NAA80: variants seen among roughly 807,000 people sequenced by gnomAD.
NAA80 encodes N-alpha-acetyltransferase 80.
A neutral mutation model predicts 8.7 loss-of-function variants in NAA80; 5 were observed. The observed-to-expected ratio is 0.58, with a 90% CI of 0.30 to 1.21. The LOEUF (loss-of-function observed/expected upper bound fraction) is 1.21, where lower values mean the gene tolerates loss of function less well. Ranked by LOEUF, NAA80 falls within the 50% of genes most tolerant of loss-of-function variation. The pLI is 0.07. For synonymous variants in NAA80, 149 were observed against 156.6 expected (o/e 0.95, Z 0.36); for missense variants, 360 against 368.6 (o/e 0.98, Z 0.19).
chr3:50,297,679 A>G lies in NAA80; in HGVS notation c.-209-7T>C, dbSNP rs1337696465. On this transcript the variant is annotated splice_polypyrimidine_tract_variant and splice_region_variant and intron_variant, in intron 1 of 1. Transcript: ENST00000443094. The surrounding 1 kb of genome is among the most constrained non-coding windows in gnomAD (Gnocchi z 4.3). ...GACCACAGTGGCTCTCCTCCTGTAG[A>G]TAACAGCCATGCTGGGCTGTGCCAG... 2.2e-6 allele frequency: 3 copies of G among 1,388,060 alleles called. No homozygotes were observed. The highest frequency in any genetic ancestry group is 2.8e-6 in the Non-Finnish European group (3 of 1,075,972). 86.0% of individuals were successfully genotyped at this position (1,388,060 alleles called of 1,614,324 possible).
rs369644628 is a variant in NAA80 at position 50,296,809 on chromosome 3, G to A, written c.655C>T (p.Arg219Trp). The part of the protein sequence containing the change: ...LNAFPTAPSP[R>W]PPRKAPNLTA... The stretch of plus-strand genomic sequence containing the variant: ...AGGTTTGGGGCCTTCCTGGGTGGCC[G>A]GGGAGAGGGGGCTGTGGGGAAGGCA... The change falls in exon 2 of 2, where the codon CGG becomes TGG. Residue 219 changes from arginine (R) to tryptophan (W), a missense_variant. Transcript: ENST00000443094. The A allele has an allele frequency of 2.2e-5, 35 of 1,579,676 alleles. No individual in the cohort carries two copies. The highest frequency in any genetic ancestry group is 3.7e-4 in the Middle Eastern group (2 of 5,448).
rs1553711487 is a variant in NAA80, at chr3:50,297,276, TCC to T, written c.186_187del (p.Glu63AlafsTer14). Reference sequence around the variant, plus strand: ...GAGCTCGGGTCGGCGGTGCACAGGCTCCAGGGTCAACTCAGCCAGGCTAGGAG... The same window carrying T: ...GAGCTCGGGTCGGCGGTGCACAGGCTAGGGTCAACTCAGCCAGGCTAGGAG... On this transcript the variant is annotated frameshift_variant, in exon 2 of 2. Coordinates refer to ENST00000443094, the MANE Select transcript of NAA80 (RefSeq NM_001200016.2). LOFTEE classifies it high-confidence loss of function. This position sits in a 1 kb window ranked among gnomAD's most constrained non-coding sequence, Gnocchi z 4.3. 6.2e-7 allele frequency: 1 copy of T among 1,606,948 alleles called. No homozygotes were observed. Among genetic ancestry groups the T allele is most frequent in the East Asian group, 2.2e-5 (1 of 44,728 alleles).
Position 50,296,637 on chromosome 3 carries a change from C to A in NAA80, c.827G>T (p.Gly276Val), listed in dbSNP as rs377507869. 11 of 1,613,972 alleles carry A rather than the reference C, an allele frequency of 6.8e-6. No homozygotes were observed. The highest frequency in any genetic ancestry group is 1.3e-5 in the African/African-American group (1 of 74,902). Residue 276 changes from glycine (G) to valine (V), a missense_variant, in exon 2 of 2, where the codon GGG becomes GTG. Coordinates refer to ENST00000443094, the MANE Select transcript of NAA80 (RefSeq NM_001200016.2). The part of the protein sequence containing the change: ...LLETQYQNVR[G>V]RPIFWMEKDI Reference sequence around the variant, plus strand: ...TTTTTCCATCCAGAATATGGGGCGCCCCCTCACATTTTGATATTGTGTCTC... The same window carrying A: ...TTTTTCCATCCAGAATATGGGGCGCACCCTCACATTTTGATATTGTGTCTC...
Position 50,297,844 on chromosome 3 carries a change from A to G in NAA80, c.-209-172T>C, listed in dbSNP as rs1173793226. 5.6e-6 allele frequency: 6 copies of G among 1,077,024 alleles called. No individual in the cohort carries two copies. The highest frequency in any genetic ancestry group is 1.7e-5 in the African/African-American group (1 of 60,226). The allele number at this position is 1,077,024 out of a possible 1,614,324, so 66.7% of individuals were successfully genotyped here. ...GTGACCTGGAAGAGACCCATCCCCT[A>G]TAGAGCAGGGCAGATAGATCCAGGT... On this transcript the variant is annotated intron_variant, in intron 1 of 1. Transcript: ENST00000443094. The surrounding 1 kb of genome is among the most constrained non-coding windows in gnomAD (Gnocchi z 4.3).
chr3:50,297,210 C>CG lies in NAA80; in HGVS notation c.253dup (p.Arg85ProfsTer31). On this transcript the variant is annotated frameshift_variant, in exon 2 of 2. Coordinates refer to ENST00000443094, the MANE Select transcript of NAA80 (RefSeq NM_001200016.2). LOFTEE classifies it high-confidence loss of function. This position sits in a 1 kb window ranked among gnomAD's most constrained non-coding sequence, Gnocchi z 4.3. ...GGAGTGCAGGCGGGAGGTGCGGCTG[C>CG]GGGGCCACTGATCATTGATGAGGTC... The CG allele has an allele frequency of 6.2e-7, 1 of 1,612,598 alleles. No homozygotes were observed.
chr3:50,299,188 C>T, intron 1 of NAA80, 25 bp downstream of exon 1: 1 of 1,614,166 alleles, frequency 6.2e-7, no homozygotes, highest in Middle Eastern at 1.7e-4. Context: ...CTACAGGCAG[C>T]AAATGGGAAG....
chr3:50,299,366 G>A lies in NAA80; in HGVS notation c.-363C>T. Reference sequence around the variant, plus strand: ...CCGTCGCGTCCTGCGGCACGCCACGGCGTTCTAAGGCCTCCCAGCACCCGC... The same window carrying A: ...CCGTCGCGTCCTGCGGCACGCCACGACGTTCTAAGGCCTCCCAGCACCCGC... On this transcript the variant is annotated 5_prime_UTR_variant, in exon 1 of 2. Coordinates refer to ENST00000443094, the MANE Select transcript of NAA80 (RefSeq NM_001200016.2). 6.6e-7 allele frequency: 1 copy of A among 1,514,512 alleles called. No individual in the cohort carries two copies. Among genetic ancestry groups the A allele is most frequent in the Non-Finnish European group, 8.9e-7 (1 of 1,123,762 alleles). 93.8% of individuals were successfully genotyped at this position (1,514,512 alleles called of 1,614,324 possible).
At chr3:50,299,040 G>A (rs1553711844) in intron 1 of NAA80, 173 bp downstream of exon 1, 4 of 1,557,078 alleles carry the variant, frequency 2.6e-6, no homozygotes, top group Middle Eastern at 2.3e-4. Flanking sequence ...ACAGGCTGTG[G>A]AGCTTTTGGG....
chr3:50,296,425 C>T lies in NAA80; in HGVS notation c.*178G>A. 4 of 674,734 alleles carry T rather than the reference C, an allele frequency of 5.9e-6. No individual in the cohort carries two copies. The highest frequency in any genetic ancestry group is 1.0e-5 in the Non-Finnish European group (4 of 395,158). The allele number at this position is 674,734 out of a possible 1,614,324, so 41.8% of individuals were successfully genotyped here. Reference sequence around the variant, plus strand: ...CATACCCAAGAGAGCCTTTATTCAGCCACACTGACGGCTCTGAGCCAGAGC... The same window carrying T: ...CATACCCAAGAGAGCCTTTATTCAGTCACACTGACGGCTCTGAGCCAGAGC... On this transcript the variant is annotated 3_prime_UTR_variant, in exon 2 of 2. Coordinates refer to ENST00000443094, the MANE Select transcript of NAA80 (RefSeq NM_001200016.2).
intron 1 of NAA80, 161 bp downstream of exon 1, chr3:50,299,052 A>G (rs935696923): frequency 6.3e-7 from 1 of 1,577,954 alleles, no homozygotes; most frequent in Middle Eastern, 2.2e-4. Context: ...GCTTTTGGGA[A>G]TGAGGACTTC....
chr3:50,297,081 C>T lies in NAA80; in HGVS notation c.383G>A (p.Arg128Gln), dbSNP rs77944398. The T allele has an allele frequency of 3.6e-4, 558 of 1,539,316 alleles. 1 individual carries two copies. The African/African-American group carries it at 6.5e-3, about 18-fold the overall frequency. Residue 128 changes from arginine (R) to glutamine (Q), a missense_variant, in exon 2 of 2, where the codon CGG becomes CAG. Transcript: ENST00000443094. This position sits in a 1 kb window ranked among gnomAD's most constrained non-coding sequence, Gnocchi z 4.3. Reference sequence around the variant, plus strand: ...GAGGCTCTGGGGCTGGTTCAGCACCCGTGACAGGCGGGCATGGCCCACCAC... The same window carrying T: ...GAGGCTCTGGGGCTGGTTCAGCACCTGTGACAGGCGGGCATGGCCCACCAC... ...PVVVGHARLSRVLNQPQSLLV... is the reference protein window; with the variant it reads ...PVVVGHARLSQVLNQPQSLLV...
rs1486036947 is a variant in NAA80, at chr3:50,298,813, C to T, written c.-210+400G>A. The T allele has an allele frequency of 6.0e-6, 7 of 1,167,262 alleles. No homozygotes were observed. In the African/African-American group the frequency reaches 9.5e-5, roughly 16 times the overall value. 72.3% of individuals were successfully genotyped at this position (1,167,262 alleles called of 1,614,324 possible). On this transcript the variant is annotated intron_variant, in intron 1 of 1. Coordinates refer to ENST00000443094, the MANE Select transcript of NAA80 (RefSeq NM_001200016.2). ...CCCACACCATTCACAGGGCTGTAAG[C>T]CCCTCACCTGCATCAGCCACCTCTG...
rs1553711887 is a variant in NAA80 at position 50,299,199 on chromosome 3, GGTGCGGTACTGACA to G, written c.-210_-210+13del. On this transcript the variant is annotated splice_donor_variant and splice_donor_5th_base_variant and 5_prime_UTR_variant and intron_variant, in exon 1 of 2. Transcript: ENST00000443094. LOFTEE classifies it low-confidence loss of function (5UTR_SPLICE). ...GGACCTACAGGCAGCAAATGGGAAGGGTGCGGTACTGACATGTTGATGCTGGCCTCTGGGATGTT... is the reference window on the plus strand; with the variant it reads ...GGACCTACAGGCAGCAAATGGGAAGGTGTTGATGCTGGCCTCTGGGATGTT... 6.2e-7 allele frequency: 1 copy of G among 1,614,190 alleles called. No homozygotes were observed. The highest frequency in any genetic ancestry group is 1.7e-5 in the Admixed American group (1 of 60,032).
rs1553711159 is a variant in NAA80, at chr3:50,296,528, G to A, written c.*75C>T. On this transcript the variant is annotated 3_prime_UTR_variant, in exon 2 of 2. Transcript: ENST00000443094. The stretch of plus-strand genomic sequence containing the variant: ...CCCAGGGGCTAGGGGCTGAGGTATG[G>A]TCAGTGGGCTGAGGCTTGTAGACTG... 1 of 1,529,562 alleles carries A rather than the reference G, an allele frequency of 6.5e-7. No individual in the cohort carries two copies. The highest frequency in any genetic ancestry group is 1.8e-5 in the Admixed American group (1 of 54,986). The allele number at this position is 1,529,562 out of a possible 1,614,324, so 94.7% of individuals were successfully genotyped here.
In NAA80 at chr3:50,296,794, C is replaced by T; in HGVS notation, c.670G>A (p.Ala224Thr). 6.3e-7 allele frequency: 1 copy of T among 1,586,122 alleles called. No homozygotes were observed. The highest frequency in any genetic ancestry group is 2.2e-5 in the East Asian group (1 of 44,656). The change falls in exon 2 of 2, where the codon GCC (alanine) becomes ACC (threonine). Residue 224 changes from alanine (A) to threonine (T), a missense_variant. Coordinates refer to ENST00000443094, the MANE Select transcript of NAA80 (RefSeq NM_001200016.2). Reference sequence around the variant, plus strand: ...GCAGCTTGGGCAGTCAGGTTTGGGGCCTTCCTGGGTGGCCGGGGAGAGGGG... The same window carrying T: ...GCAGCTTGGGCAGTCAGGTTTGGGGTCTTCCTGGGTGGCCGGGGAGAGGGG... ...TAPSPRPPRK[A>T]PNLTAQAAPR...
chr3:50,297,418 G>A lies in NAA80; in HGVS notation c.46C>T (p.Pro16Ser), dbSNP rs1701898371. 4 of 1,613,178 alleles carry A rather than the reference G, an allele frequency of 2.5e-6. No homozygotes were observed. The highest frequency in any genetic ancestry group is 3.4e-6 in the Non-Finnish European group (4 of 1,179,556). The change falls in exon 2 of 2, where the codon CCT (proline) becomes TCT (serine). Residue 16 changes from proline to serine, a missense_variant. Physicochemically the swap from Pro to Ser is moderately conservative, Grantham distance 74 (BLOSUM62 -1). Transcript: ENST00000443094. The surrounding 1 kb of genome is among the most constrained non-coding windows in gnomAD (Gnocchi z 4.3). ...AGGGGCAGCTTTGGCTGGCACGCAG[G>A]ATCCAGAGTCAGCTCAGCTGGGCTG... ...STSPAELTLD[P>S]ACQPKLPLDS...
In NAA80 at chr3:50,299,346, G is replaced by A. The variant is rs1553711936; in HGVS notation, c.-343C>T. ...GTGCGGCGGATGTTCTGCAGCCGTC[G>A]CGTCCTGCGGCACGCCACGGCGTTC... On this transcript the variant is annotated 5_prime_UTR_variant, in exon 1 of 2. Transcript: ENST00000443094. The A allele has an allele frequency of 1.3e-6, 2 of 1,566,138 alleles. No homozygotes were observed.
At chr3:50,298,031 G>C in intron 1 of NAA80, 1 of 985,884 alleles carries the variant, frequency 1.0e-6, no homozygotes, top group Non-Finnish European at 1.2e-6. Flanking sequence ...TAAAACAGCC[G>C]ACCCAATCTA....
rs1428599235 is a variant in NAA80 at position 50,296,820 on chromosome 3, G to T, written c.644C>A (p.Ala215Asp). 4 of 1,581,966 alleles carry T rather than the reference G, an allele frequency of 2.5e-6. No individual in the cohort carries two copies. The highest frequency in any genetic ancestry group is 2.6e-6 in the Non-Finnish European group (3 of 1,164,188). Residue 215 changes from alanine to aspartate, a missense_variant, in exon 2 of 2, where the codon GCC (alanine) becomes GAC (aspartate). Physicochemically the swap from Ala to Asp is moderately radical, Grantham distance 126 (BLOSUM62 -2). Transcript: ENST00000443094. ...PATLLNAFPTAPSPRPPRKAP... is the reference protein window; with the variant it reads ...PATLLNAFPTDPSPRPPRKAP... ...CTTCCTGGGTGGCCGGGGAGAGGGG[G>T]CTGTGGGGAAGGCATTAAGCAGGGT... is the stretch of plus-strand genomic sequence containing the variant.
Sources: allele counts gnomAD v4.1 joint callset, GRCh38; gene constraint gnomAD v4.1.1; non-coding constraint Gnocchi (gnomAD v3.1); transcripts MANE v1.5; gene names NCBI Gene and HGNC (gene_info 2026-07-23, HGNC 2026-07-21).